MYLK4: variants seen among roughly 807,000 people sequenced by gnomAD.
The protein encoded by MYLK4 is myosin light chain kinase family member 4.
MYLK4 carries 46 observed loss-of-function variants against 48.1 expected under a neutral mutation model. The observed-to-expected ratio is 0.96, with a 90% CI of 0.75 to 1.22. The LOEUF is 1.22. Ranked by LOEUF, MYLK4 falls within the 50% of genes most tolerant of loss-of-function variation. The pLI is 0.00. For synonymous variants in MYLK4, 170 were observed against 180.8 expected (o/e 0.94, Z 0.48); for missense variants, 451 against 486.1 (o/e 0.93, Z 0.68).
At chr6:2,684,299 G>C (rs935581507) in intron 6 of MYLK4, among the ~76,000 whole-genome samples, 1 of 152,108 alleles carries the variant, frequency 6.6e-6, no homozygotes, top group Non-Finnish European at 1.5e-5. Flanking sequence ...GGACCGAGCG[G>C]GACGGTGGGA....
intron 11 of MYLK4, among the ~76,000 whole-genome samples, chr6:2,674,613 C>T (rs1381769435): frequency 1.3e-5 from 2 of 152,188 alleles, no homozygotes; most frequent in Non-Finnish European, 2.9e-5. Flanking sequence ...GTGGCTCAGG[C>T]CTGTAATCCC....
chr6:2,723,074 A>T (rs1009002406), intron 2 of MYLK4, among the ~76,000 whole-genome samples: 2 of 152,008 alleles, frequency 1.3e-5, no homozygotes, highest in Non-Finnish European at 2.9e-5. Flanking sequence ...GGAGGATTGC[A>T]TGAGCTCAGG....
intron 2 of MYLK4, among the ~76,000 whole-genome samples, chr6:2,744,443 G>A (rs1217217269): frequency 1.3e-5 from 2 of 152,238 alleles, no homozygotes; most frequent in East Asian, 3.8e-4. Flanking sequence ...GCACAGGGAT[G>A]GAGGTGGCGA....
At position 2,686,258 on chromosome 6, in the gene MYLK4, T is replaced by C. The variant is rs181599475; in HGVS notation, c.342-682A>G. Among the ~76,000 whole-genome samples the C allele has an allele frequency of 2.5e-3, 381 of 152,328 alleles. 4 individuals carry two copies. Among genetic ancestry groups the C allele is most frequent in the Middle Eastern group, 3.4e-3 (1 of 294 alleles). ...CTTTACAGACAATGCAGAATCCTTCTGAATACATATGAATGTTATGAGCTG... is the reference window on the plus strand; with the variant it reads ...CTTTACAGACAATGCAGAATCCTTCCGAATACATATGAATGTTATGAGCTG... On this transcript the variant is annotated intron_variant, in intron 4 of 12. Transcript: ENST00000274643.
upstream of MYLK4, among the ~76,000 whole-genome samples, chr6:2,755,180 T>C (rs539102213): frequency 6.6e-6 from 1 of 152,296 alleles, no homozygotes; most frequent in South Asian, 2.1e-4. Flanking sequence ...TTAATATTTT[T>C]CAGAAATATT....
chr6:2,671,531 T>C (rs1760897644), intron 11 of MYLK4, among the ~76,000 whole-genome samples, 183 bp from the exon 12 acceptor site: 2 of 152,082 alleles, frequency 1.3e-5, no homozygotes, highest in Non-Finnish European at 2.9e-5. Flanking sequence ...AGAGTCCATC[T>C]CAGAGTCCAC....
chr6:2,745,119 G>A (rs1421844381), intron 2 of MYLK4, among the ~76,000 whole-genome samples: 3 of 152,180 alleles, frequency 2.0e-5, no homozygotes, highest in Admixed American at 1.3e-4. Flanking sequence ...GTGGTACACC[G>A]AGGAAAGCAG....
chr6:2,685,176 C>A lies in MYLK4; in HGVS notation c.545+120G>T. 1.4e-6 allele frequency: 1 copy of A among 712,720 alleles called. No homozygotes were observed. Among genetic ancestry groups the A allele is most frequent in the Non-Finnish European group, 2.6e-6 (1 of 390,838 alleles). The allele number at this position is 712,720 out of a possible 1,614,324, so 44.1% of individuals were successfully genotyped here. ...ATGTGATTGTGTGATCCGCGCGAAT[C>A]AGAGTCTGCGGGGGCGAGCTTGGTT... On this transcript the variant is annotated intron_variant, in intron 6 of 12. Transcript: ENST00000274643. This position sits in a 1 kb window ranked among gnomAD's most constrained non-coding sequence, Gnocchi z 4.5.
At chr6:2,763,296 T>G in the MYLK4 span, among the ~76,000 whole-genome samples, 1 of 152,260 alleles carries the variant, frequency 6.6e-6, no homozygotes, top group African/African-American at 2.4e-5. Flanking sequence ...GAACTGGGGC[T>G]GCAGTATAGA....
intron 2 of MYLK4, among the ~76,000 whole-genome samples, chr6:2,715,835 G>C (rs1396144540): frequency 6.6e-6 from 1 of 152,218 alleles, no homozygotes; most frequent in African/African-American, 2.4e-5. Flanking sequence ...TGAAATGTTT[G>C]CATAGTCAAA....
At chr6:2,738,795 T>C (rs559252992) in intron 2 of MYLK4, among the ~76,000 whole-genome samples, 1 of 152,354 alleles carries the variant, frequency 6.6e-6, no homozygotes, top group South Asian at 2.1e-4. Flanking sequence ...TAATGTTTCA[T>C]CTTGACACTT....
the MYLK4 span, chr6:2,766,129 G>GGGCGACGGCGAT: frequency 3.8e-6 from 5 of 1,325,648 alleles, no homozygotes; most frequent in East Asian, 9.2e-5. Flanking sequence ...AGGAGGCCGT[G>GGGCGACGGCGAT]GGCGACGGCG....
chr6:2,694,797 G>A (rs917632077), intron 2 of MYLK4, among the ~76,000 whole-genome samples: 3 of 152,026 alleles, frequency 2.0e-5, no homozygotes, highest in Non-Finnish European at 2.9e-5. Context: ...AAATGAAGTT[G>A]GGTAATTTCC....
chr6:2,722,433 T>C (rs1435335369), intron 2 of MYLK4, among the ~76,000 whole-genome samples: 1 of 151,974 alleles, frequency 6.6e-6, no homozygotes, highest in East Asian at 1.9e-4. Flanking sequence ...ATCACAATCA[T>C]TGAAGCACTT....
chr6:2,701,667 C>A (rs554233847), intron 2 of MYLK4, among the ~76,000 whole-genome samples: 45 of 152,336 alleles, frequency 3.0e-4, no homozygotes, highest in African/African-American at 1.0e-3. Context: ...TCAGTTATGA[C>A]TGTCCCCAAC....
rs984622805 is a variant in MYLK4, at chr6:2,673,627, T to C, written c.1119+1420A>G. Among the ~76,000 whole-genome samples the C allele has an allele frequency of 1.3e-5, 2 of 152,200 alleles. No homozygotes were observed. Among genetic ancestry groups the C allele is most frequent in the Admixed American group, 6.5e-5 (1 of 15,284 alleles). ...GACAGGTCCTGGTGGGCCCAAAGGT[T>C]GGCATGGCGTCTTGCCTGTATATGC... On this transcript the variant is annotated intron_variant, in intron 11 of 12. Coordinates refer to ENST00000274643, the MANE Select transcript of MYLK4 (RefSeq NM_001012418.5). This position sits in a 1 kb window ranked among gnomAD's most constrained non-coding sequence, Gnocchi z 4.2.
At chr6:2,684,606 CAATA>C (rs965289144) in intron 6 of MYLK4, among the ~76,000 whole-genome samples, 3 of 151,952 alleles carry the variant, frequency 2.0e-5, no homozygotes, top group African/African-American at 7.3e-5. Flanking sequence ...GACCAAAAAA[CAATA>C]AAAATTGACA....
chr6:2,687,661 G>A (rs920338093), intron 4 of MYLK4, among the ~76,000 whole-genome samples: 2 of 152,170 alleles, frequency 1.3e-5, no homozygotes, highest in African/African-American at 4.8e-5. Context: ...AGTCTCATGG[G>A]GCATTCTATG....
the MYLK4 span, among the ~76,000 whole-genome samples, chr6:2,762,533 T>C: frequency 6.6e-6 from 1 of 152,254 alleles, no homozygotes; most frequent in Admixed American, 6.5e-5. Flanking sequence ...AAAATCAGTG[T>C]ACTGTATTTC....
Sources: gnomAD v4.1 joint callset for allele counts (sites outside exome capture counted in the v4.1 genomes callset) on GRCh38, gnomAD v4.1.1 for gene constraint, Gnocchi (gnomAD v3.1) non-coding constraint, MANE v1.5 for transcripts, NCBI Gene and HGNC (gene_info 2026-07-23, HGNC 2026-07-21) for gene names.